The following SH3RF2 variants were observed in gnomAD, a reference collection of about 807,000 sequenced individuals.
The protein encoded by SH3RF2 is SH3 domain containing ring finger 2, also known as E3 ubiquitin-protein ligase SH3RF2.
A neutral mutation model predicts 59.0 loss-of-function variants in SH3RF2; 43 were observed. The ratio of observed to expected loss-of-function variants is 0.73; its 90% CI spans 0.57 to 0.94. The LOEUF (loss-of-function observed/expected upper bound fraction) is 0.94, where lower values mean the gene tolerates loss of function less well. Ranked by LOEUF, SH3RF2 falls within the 40% of genes least tolerant of loss-of-function variation. The pLI is 0.00. For synonymous variants in SH3RF2, 391 were observed against 391.5 expected, an observed-to-expected ratio of 1.00 and a Z score of 0.01; for missense variants, 930 against 940.1, an observed-to-expected ratio of 0.99 and a Z score of 0.14.
intron 2 of SH3RF2, among the ~76,000 whole-genome samples, chr5:145,954,147 T>C: frequency 6.6e-6 from 1 of 152,208 alleles, no homozygotes. Context: ...CTTTCCACAA[T>C]GGTTGAACTC....
At position 145,954,085 on chromosome 5, in the gene SH3RF2, A is replaced by T. The variant is rs550164054; in HGVS notation, c.378+15779A>T. On this transcript the variant is annotated intron_variant, in intron 2 of 9. Coordinates refer to ENST00000359120, the MANE Select transcript of SH3RF2 (RefSeq NM_152550.4). ...TGGGTATATACCCAGTAATGGGATT[A>T]CTGAGTGGAATGGTACTTCTGCTTT... Among the ~76,000 whole-genome samples the T allele has an allele frequency of 2.0e-3, 300 of 152,290 alleles. 2 individuals carry two copies. The highest frequency in any genetic ancestry group is 5.8e-3 in the South Asian group (28 of 4,824).
Position 146,028,558 on chromosome 5 carries a change from C to T in SH3RF2, c.1059+14497C>T, listed in dbSNP as rs140170738. 6.7e-3 allele frequency among the ~76,000 whole-genome samples: 1,015 copies of T among 152,032 alleles called. 16 individuals carry two copies. Among genetic ancestry groups the T allele is most frequent in the African/African-American group, 0.023 (964 of 41,548 alleles). The stretch of plus-strand genomic sequence containing the variant: ...GCCCTGGGCATTGTGGGGTTTTTAG[C>T]GGCATCCCCGGCCCCTACCCACTGA... On this transcript the variant is annotated intron_variant, in intron 5 of 9. Coordinates refer to ENST00000359120, the MANE Select transcript of SH3RF2 (RefSeq NM_152550.4).
intron 2 of SH3RF2, among the ~76,000 whole-genome samples, chr5:145,985,162 GAA>G (rs77727455): frequency 6.6e-6 from 1 of 151,966 alleles, no homozygotes; most frequent in Non-Finnish European, 1.5e-5. Context: ...TCTCAAAAAA[GAA>G]AAAAGTCTTG....
At chr5:146,026,305 C>G (rs1580880340) in intron 5 of SH3RF2, among the ~76,000 whole-genome samples, 1 of 152,126 alleles carries the variant, frequency 6.6e-6, no homozygotes, top group Non-Finnish European at 1.5e-5. Flanking sequence ...GTGGCAGTAA[C>G]CTTTATTTGC....
At chr5:146,065,149 T>C (rs1286748864), downstream of SH3RF2, among the ~76,000 whole-genome samples, 5 of 152,128 alleles carry the variant, frequency 3.3e-5, no homozygotes, top group Admixed American at 3.3e-4. Context: ...CACGTTTGGG[T>C]CCACATCTCA....
At chr5:146,012,220 A>C (rs1470580919) in intron 4 of SH3RF2, among the ~76,000 whole-genome samples, 1 of 152,126 alleles carries the variant, frequency 6.6e-6, no homozygotes, top group East Asian at 1.9e-4. Context: ...CTTGCACTTG[A>C]TGATGGTGGA....
intron 6 of SH3RF2, among the ~76,000 whole-genome samples, chr5:146,048,562 C>T (rs1282379642): frequency 1.3e-5 from 2 of 152,128 alleles, no homozygotes; most frequent in Non-Finnish European, 2.9e-5. Context: ...TTGTAGAGAA[C>T]ACTCCCCCAT....
downstream of SH3RF2, among the ~76,000 whole-genome samples, chr5:146,064,810 A>AGGAAAGAG: frequency 1.1e-4 from 1 of 9,180 alleles, no homozygotes; most frequent in South Asian, 0.021. Context: ...GAAGGAAGGA[A>AGGAAAGAG]AGAAAGAAAG....
At chr5:145,997,462 A>G (rs1383137371) in intron 2 of SH3RF2, 4 of 1,542,018 alleles carry the variant, frequency 2.6e-6, no homozygotes, top group Admixed American at 3.3e-5. Flanking sequence ...GTCTTTGTGA[A>G]AAATGGGATA....
At chr5:146,079,421 CTCTCT>C (rs1181569501) in exon 10 of SH3RF2, 2 of 152,190 alleles carry the variant, frequency 1.3e-5, no homozygotes, top group African/African-American at 4.8e-5. Flanking sequence ...TCTTCTCCTC[CTCTCT>C]TAAGACATCA....
chr5:145,958,616 TA>T (rs1431229022), intron 2 of SH3RF2, among the ~76,000 whole-genome samples: 1 of 152,174 alleles, frequency 6.6e-6, no homozygotes, highest in African/African-American at 2.4e-5. Context: ...TCTGGTCCGA[TA>T]TCTTCTTATA....
At chr5:146,075,726 C>T (rs1208302695) in intron 9 of SH3RF2, among the ~76,000 whole-genome samples, 3 of 139,188 alleles carry the variant, frequency 2.2e-5, no homozygotes, top group African/African-American at 8.0e-5. Flanking sequence ...TTGCAGTGAA[C>T]CAAGGTGGCA....
chr5:145,985,741 A>T (rs1204430294), intron 2 of SH3RF2, among the ~76,000 whole-genome samples: 1 of 152,180 alleles, frequency 6.6e-6, no homozygotes, highest in Non-Finnish European at 1.5e-5. Context: ...GGTCTGGTAC[A>T]GTGGCTCATG....
At chr5:146,059,562 G>A (rs1223512365) in intron 8 of SH3RF2, among the ~76,000 whole-genome samples, 8 of 150,416 alleles carry the variant, frequency 5.3e-5, no homozygotes, top group Admixed American at 2.0e-4. Flanking sequence ...GTGTGTGTGC[G>A]TGTGTGTGTG....
At chr5:146,010,391 C>T (rs1760830968) in intron 4 of SH3RF2, among the ~76,000 whole-genome samples, 3 of 152,164 alleles carry the variant, frequency 2.0e-5, no homozygotes, top group Admixed American at 6.6e-5. Context: ...TGGTTATATA[C>T]CCAGTAATGG....
chr5:145,976,766 C>T (rs542401254), intron 2 of SH3RF2, among the ~76,000 whole-genome samples: 18 of 152,270 alleles, frequency 1.2e-4, no homozygotes, highest in Non-Finnish European at 1.9e-4. Context: ...CCTAAGCCAT[C>T]GATTAATAGC....
At chr5:145,997,863 T>C (rs1760232319) in intron 2 of SH3RF2, 1 of 1,079,016 alleles carries the variant, frequency 9.3e-7, no homozygotes. Context: ...CTTGAAATGC[T>C]CAGTGCCCTT....
intron 5 of SH3RF2, among the ~76,000 whole-genome samples, chr5:146,023,457 C>T (rs947467111): frequency 2.6e-5 from 4 of 152,170 alleles, no homozygotes; most frequent in Admixed American, 2.0e-4. Context: ...AATCCACCCG[C>T]CTCGGCCTCC....
downstream of SH3RF2, among the ~76,000 whole-genome samples, chr5:146,067,223 T>A (rs139400565): frequency 7.9e-4 from 121 of 152,238 alleles, no homozygotes; most frequent in African/African-American, 2.7e-3. Flanking sequence ...CTCAGTGACC[T>A]CCAGTGTGTC....
Sources: gnomAD v4.1 joint callset for allele counts (sites outside exome capture counted in the v4.1 genomes callset) on GRCh38, gnomAD v4.1.1 for gene constraint, MANE v1.5 for transcripts, NCBI Gene and HGNC (gene_info 2026-07-23, HGNC 2026-07-21) for gene names.